CCSER2: variants seen among roughly 807,000 people sequenced by gnomAD.
The protein encoded by CCSER2 is serine-rich coiled-coil domain-containing protein 2.
In CCSER2, 46 loss-of-function variants were observed where a neutral mutation model predicts 92.3. The ratio of observed to expected loss-of-function variants is 0.50; its 90% CI spans 0.39 to 0.64. CCSER2 has a LOEUF of 0.64. Among genes scored for constraint, CCSER2 ranks in the 30% least tolerant of loss-of-function variants. CCSER2 has a pLI of 0.00. For synonymous variants in CCSER2, 433 were observed against 431.4 expected (o/e 1.00, Z -0.04); for missense variants, 1,244 against 1,238.9 (o/e 1.00, Z -0.06).
chr10:84,371,720 G>A lies in CCSER2; in HGVS notation c.668G>A (p.Ser223Asn). ...TGTGAAAAAATGGTAAGGTCACAAA[G>A]TTTTTCACATTCCATTCAGAATTCA... ...INCEKMVRSQSFSHSIQNSFL... is the reference protein window; with the variant it reads ...INCEKMVRSQNFSHSIQNSFL... The change falls in exon 2 of 10, where the codon AGT becomes AAT. Residue 223 changes from serine (S) to asparagine (N), a missense_variant. Physicochemically the swap from Ser to Asn is conservative, Grantham distance 46. Transcript: ENST00000372088. 3 of 1,613,552 alleles carry A rather than the reference G, an allele frequency of 1.9e-6. No individual in the cohort carries two copies. The South Asian group carries it at 3.3e-5, about 18-fold the overall frequency.
At chr10:84,484,516 T>TGTGTG in intron 9 of CCSER2, among the ~76,000 whole-genome samples, 2 of 152,036 alleles carry the variant, frequency 1.3e-5, no homozygotes, top group South Asian at 2.1e-4. Flanking sequence ...TGTGTGTGTG[T>TGTGTG]TTCAAAGGGA....
At chr10:84,487,260 G>GT (rs1381791399) in intron 9 of CCSER2, among the ~76,000 whole-genome samples, 1 of 152,166 alleles carries the variant, frequency 6.6e-6, no homozygotes, top group Non-Finnish European at 1.5e-5. Context: ...CTTTAAAGTA[G>GT]TTTTTTCCAA....
intron 3 of CCSER2, among the ~76,000 whole-genome samples, chr10:84,386,535 G>GTTTA: frequency 6.6e-6 from 1 of 152,158 alleles, no homozygotes; most frequent in Non-Finnish European, 1.5e-5. Context: ...TGGCCAACAT[G>GTTTA]GCTAAACCCT....
intron 3 of CCSER2, chr10:84,391,152 G>T: frequency 1.3e-6 from 1 of 791,170 alleles, no homozygotes; most frequent in Non-Finnish European, 2.3e-6. Context: ...CTTTACCTGA[G>T]TGCCTATCTT....
At chr10:84,435,146 G>C (rs1844030128) in intron 5 of CCSER2, among the ~76,000 whole-genome samples, 1 of 152,138 alleles carries the variant, frequency 6.6e-6, no homozygotes, top group South Asian at 2.1e-4. Flanking sequence ...TATAAACTTT[G>C]TTCAATGAGC....
intron 4 of CCSER2, among the ~76,000 whole-genome samples, chr10:84,422,898 A>C (rs890532846): frequency 6.6e-6 from 1 of 152,114 alleles, no homozygotes; most frequent in African/African-American, 2.4e-5. Flanking sequence ...TACTAAAAAC[A>C]GAAAAAATTA....
At chr10:84,434,837 C>G (rs1413734412) in intron 5 of CCSER2, among the ~76,000 whole-genome samples, 3 of 151,876 alleles carry the variant, frequency 2.0e-5, no homozygotes, top group Non-Finnish European at 4.4e-5. Context: ...GGTAACTTGC[C>G]CTGTGTGTTG....
intron 7 of CCSER2, among the ~76,000 whole-genome samples, chr10:84,468,342 C>T (rs1846575569): frequency 6.6e-6 from 1 of 152,084 alleles, no homozygotes; most frequent in African/African-American, 2.4e-5. Flanking sequence ...TCAGTGTTCC[C>T]AATGCAAAGA....
intron 3 of CCSER2, among the ~76,000 whole-genome samples, chr10:84,386,208 T>C (rs1229124013): frequency 6.6e-6 from 1 of 152,200 alleles, no homozygotes; most frequent in Non-Finnish European, 1.5e-5. Context: ...AAAATAGAAT[T>C]ACCATTTGAT....
At chr10:84,387,877 T>C (rs1161902182) in intron 3 of CCSER2, among the ~76,000 whole-genome samples, 1 of 152,104 alleles carries the variant, frequency 6.6e-6, no homozygotes, top group African/African-American at 2.4e-5. Flanking sequence ...TTTCTTTTGT[T>C]TTTTTGAGAC....
At chr10:84,508,798 G>A (rs990187739) in intron 9 of CCSER2, among the ~76,000 whole-genome samples, 2 of 151,984 alleles carry the variant, frequency 1.3e-5, no homozygotes, top group Admixed American at 6.6e-5. Flanking sequence ...CTTTTGTTTC[G>A]AAGACCCAGT....
chr10:84,457,217 A>ATATATTATATATAAATATATT, intron 6 of CCSER2, among the ~76,000 whole-genome samples: 1 of 110,944 alleles, frequency 9.0e-6, no homozygotes, highest in Non-Finnish European at 1.7e-5. Context: ...TATATATATT[A>ATATATTATATATAAATATATT]CATATTATAT....
At chr10:84,379,920 A>G (rs1840804939) in intron 3 of CCSER2, among the ~76,000 whole-genome samples, 1 of 152,174 alleles carries the variant, frequency 6.6e-6, no homozygotes, top group African/African-American at 2.4e-5. Flanking sequence ...CTTTATTGCT[A>G]ATAATAATGT....
At chr10:84,364,334 C>G (rs1025005923) in intron 1 of CCSER2, among the ~76,000 whole-genome samples, 1 of 152,252 alleles carries the variant, frequency 6.6e-6, no homozygotes. Context: ...ACTGTAATCT[C>G]ATGGGACCAT....
intron 3 of CCSER2, among the ~76,000 whole-genome samples, chr10:84,396,675 T>G (rs1841859199): frequency 6.6e-6 from 1 of 152,168 alleles, no homozygotes; most frequent in Non-Finnish European, 1.5e-5. Context: ...TGTTTGTTTA[T>G]TTTGAGACTG....
At chr10:84,476,983 T>C (rs17103511) in intron 8 of CCSER2, among the ~76,000 whole-genome samples, 2,912 of 152,222 alleles carry the variant, frequency 0.019, 90 homozygotes, top group Admixed American at 0.073. Flanking sequence ...AGAACAGACA[T>C]CCTGACAAGT....
intron 3 of CCSER2, among the ~76,000 whole-genome samples, chr10:84,405,143 AT>A (rs1236071260): frequency 6.6e-6 from 1 of 152,252 alleles, no homozygotes; most frequent in Admixed American, 6.5e-5. Flanking sequence ...ATGGAACGTA[AT>A]AGAGGCTCCA....
intron 1 of CCSER2, among the ~76,000 whole-genome samples, chr10:84,367,150 A>G (rs1414500543): frequency 6.6e-6 from 1 of 151,910 alleles, no homozygotes; most frequent in Non-Finnish European, 1.5e-5. Flanking sequence ...TTGGTATTTC[A>G]TTAACTTAAA....
rs540064977 is a variant in CCSER2 at position 84,374,790 on chromosome 10, C to T, written c.1614+975C>T. Among the ~76,000 whole-genome samples the T allele has an allele frequency of 9.5e-4, 144 of 152,224 alleles. 2 individuals are homozygous for T. The South Asian group carries it at 0.017, about 18-fold the overall frequency. On this transcript the variant is annotated intron_variant, in intron 3 of 9. Transcript: ENST00000372088. ...TTGCAGTTATTCAGTATATAAAATA[C>T]GATTTTCCAGTAGTTGTATGGGAAA...
Sources: gnomAD v4.1 joint callset for allele counts (sites outside exome capture counted in the v4.1 genomes callset) on GRCh38, gnomAD v4.1.1 for gene constraint, MANE v1.5 for transcripts, NCBI Gene and HGNC (gene_info 2026-07-23, HGNC 2026-07-21) for gene names.